ANKRD42: variants seen among roughly 807,000 people sequenced by gnomAD.
ANKRD42 encodes ankyrin repeat domain 42, also known as ankyrin repeat domain-containing protein 42.
Under a neutral mutation model 51.5 loss-of-function variants are expected in ANKRD42, and 43 were observed. The observed-to-expected ratio is 0.83, with a 90% CI of 0.65 to 1.08. The LOEUF (loss-of-function observed/expected upper bound fraction) is 1.08, where lower values mean the gene tolerates loss of function less well. ANKRD42 is among the 50% of genes least tolerant of loss of function. The pLI is 0.00. For synonymous variants in ANKRD42, 203 were observed against 213.0 expected (o/e 0.95, Z 0.41); for missense variants, 608 against 629.3 (o/e 0.97, Z 0.36).
exon 12 of ANKRD42, chr11:83,255,866 T>A: frequency 6.5e-7 from 1 of 1,533,762 alleles, no homozygotes; most frequent in Non-Finnish European, 8.7e-7. Flanking sequence ...TTCTTGTGAG[T>A]CAAACAAAGA....
At position 83,224,945 on chromosome 11, in the gene ANKRD42, A is replaced by T; in HGVS notation, c.677A>T (p.Asn226Ile). ...GCGACGCAAGTTTTAAAAGCTTTCA[A>T]TGATAATGGAGAAAATGTACTGGAT... is the stretch of plus-strand genomic sequence containing the variant. ...SSATQVLKAFNDNGENVLDLA... is the reference protein window; with the variant it reads ...SSATQVLKAFIDNGENVLDLA... Residue 226 changes from asparagine to isoleucine, a missense_variant, in exon 6 of 11, where the codon AAT becomes ATT. Physicochemically the swap from Asn to Ile is moderately radical, Grantham distance 149. Transcript: ENST00000533342. The T allele has an allele frequency of 1.2e-6, 2 of 1,613,646 alleles. No individual in the cohort carries two copies. The highest frequency in any genetic ancestry group is 1.7e-6 in the Non-Finnish European group (2 of 1,179,614).
chr11:83,215,578 A>G (rs962763679), intron 5 of ANKRD42, among the ~76,000 whole-genome samples: 1 of 151,696 alleles, frequency 6.6e-6, no homozygotes, highest in Non-Finnish European at 1.5e-5. Flanking sequence ...GTATGTTTTA[A>G]TTTTTTGCTT....
At chr11:83,216,428 C>T (rs1862534988) in intron 5 of ANKRD42, among the ~76,000 whole-genome samples, 2 of 151,928 alleles carry the variant, frequency 1.3e-5, no homozygotes, top group Non-Finnish European at 2.9e-5. Flanking sequence ...GGGTTCACGC[C>T]ATTCTCCTGC....
intron 3 of ANKRD42, chr11:83,210,034 C>T (rs1014172418): frequency 2.1e-4 from 77 of 371,012 alleles, no homozygotes; most frequent in African/African-American, 1.6e-3. Context: ...TTTCAGTGTA[C>T]TGGAAACTTT....
chr11:83,209,777 T>C, intron 3 of ANKRD42: 2 of 596,926 alleles, frequency 3.4e-6, no homozygotes, highest in Non-Finnish European at 6.0e-6. Flanking sequence ...TTCAATGTGC[T>C]GGTAACTGCT....
intron 7 of ANKRD42, 126 bp from the exon 8 acceptor site, chr11:83,236,263 CAATGTACTTTTGCCA>C: frequency 5.7e-6 from 3 of 524,934 alleles, no homozygotes; most frequent in South Asian, 7.0e-5. Flanking sequence ...AATATTTGCC[CAATGTACTTTTGCCA>C]GTTACTGCAA....
chr11:83,258,025 A>G (rs867962631), downstream of ANKRD42, among the ~76,000 whole-genome samples: 17 of 152,264 alleles, frequency 1.1e-4, no homozygotes, highest in Middle Eastern at 0.024. Flanking sequence ...TCATGGCTAT[A>G]ATGCCACCTC....
chr11:83,194,097 C>A lies in ANKRD42; in HGVS notation c.-574C>A, dbSNP rs1248123794. On this transcript the variant is annotated 5_prime_UTR_variant, in exon 1 of 11. Transcript: ENST00000533342. ...GGGAGAGAGTTAGGGGAGATAGTGG[C>A]CACAGTCACAGCTGCTCTTGGGAGA... 2.2e-6 allele frequency: 1 copy of A among 456,500 alleles called. No individual in the cohort carries two copies. The highest frequency in any genetic ancestry group is 2.3e-5 in the Admixed American group (1 of 42,568). 28.3% of individuals were successfully genotyped at this position (456,500 alleles called of 1,614,324 possible).
Position 83,248,092 on chromosome 11 carries a change from G to A in ANKRD42, c.1472G>A (p.Gly491Asp). The change falls in exon 11 of 11, where the codon GGT (glycine) becomes GAT (aspartate). Residue 491 changes from glycine to aspartate, a missense_variant. Coordinates refer to ENST00000533342, the MANE Select transcript of ANKRD42 (RefSeq NM_001300975.2). ...IQVPNFVAMV[G>D]VLFNTFIFLK... ...GTCCCAAACTTTGTGGCTATGGTTG[G>A]TGTCCTTTTTAATACATTTATTTTT... 9.6e-6 allele frequency: 15 copies of A among 1,563,644 alleles called. No individual in the cohort carries two copies. The highest frequency in any genetic ancestry group is 1.3e-5 in the Non-Finnish European group (15 of 1,154,348).
downstream of ANKRD42, among the ~76,000 whole-genome samples, chr11:83,257,050 C>A (rs1190006777): frequency 6.6e-6 from 1 of 152,128 alleles, no homozygotes; most frequent in Non-Finnish European, 1.5e-5. Flanking sequence ...TTGAAAGCCA[C>A]AGAAGAACTA....
chr11:83,228,103 A>C (rs1045031999), intron 7 of ANKRD42, among the ~76,000 whole-genome samples: 2 of 152,236 alleles, frequency 1.3e-5, no homozygotes, highest in Admixed American at 6.5e-5. Context: ...TAATTCCAAT[A>C]AAATTTCTAT....
At chr11:83,210,564 C>G (rs1862275180) in intron 4 of ANKRD42, 145 bp downstream of exon 4, 3 of 1,043,448 alleles carry the variant, frequency 2.9e-6, no homozygotes, top group East Asian at 2.7e-5. Flanking sequence ...GCTTTTCTAT[C>G]TTTAAACATA....
chr11:83,212,596 CA>C, intron 5 of ANKRD42: 3 of 1,353,290 alleles, frequency 2.2e-6, no homozygotes, highest in Non-Finnish European at 3.1e-6. Context: ...AACAAACACA[CA>C]AAGGGGAAGG....
chr11:83,242,961 T>A (rs1863438953), intron 9 of ANKRD42, among the ~76,000 whole-genome samples: 1 of 152,206 alleles, frequency 6.6e-6, no homozygotes, highest in African/African-American at 2.4e-5. Flanking sequence ...TGTGTGCATG[T>A]GTCTTTATAG....
At chr11:83,220,194 G>C (rs1590985762) in intron 5 of ANKRD42, among the ~76,000 whole-genome samples, 1 of 152,186 alleles carries the variant, frequency 6.6e-6, no homozygotes, top group African/African-American at 2.4e-5. Context: ...GAAAGTGAAA[G>C]AGTTGGAACT....
intron 9 of ANKRD42, among the ~76,000 whole-genome samples, chr11:83,243,967 C>CGTTTTTTTT (rs1863466375): frequency 3.0e-5 from 2 of 66,950 alleles, no homozygotes; most frequent in African/African-American, 1.3e-4. Context: ...CCTGGCTGCC[C>CGTTTTTTTT]TTTTTTTTTT....
intron 9 of ANKRD42, among the ~76,000 whole-genome samples, chr11:83,242,985 T>G (rs1863439451): frequency 6.6e-6 from 1 of 152,224 alleles, no homozygotes. Context: ...GAATATAGTG[T>G]GAATATAGTA....
chr11:83,218,189 A>G (rs575320464), intron 5 of ANKRD42, among the ~76,000 whole-genome samples: 3 of 152,294 alleles, frequency 2.0e-5, no homozygotes, highest in African/African-American at 7.2e-5. Context: ...TGTGGATAAC[A>G]TTGCGTAGTT....
At chr11:83,196,236 A>G (rs17144782) in intron 1 of ANKRD42, among the ~76,000 whole-genome samples, 3,081 of 152,258 alleles carry the variant, frequency 0.02, 100 homozygotes, top group African/African-American at 0.07. Context: ...ACAGCTCTCA[A>G]TCATTATAAT....
Sources: allele counts gnomAD v4.1 joint callset (sites outside exome capture counted in the v4.1 genomes callset), GRCh38; gene constraint gnomAD v4.1.1; transcripts MANE v1.5; gene names NCBI Gene and HGNC (gene_info 2026-07-23, HGNC 2026-07-21).